Variants in RELN observed in about 807,000 individuals in gnomAD.
The protein encoded by RELN is reelin.
A neutral mutation model predicts 427.6 loss-of-function variants in RELN; 108 were observed. That is an observed-to-expected ratio of 0.25 (90% CI 0.22 to 0.30). The LOEUF is 0.30. Ranked by LOEUF, RELN falls within the 10% of genes least tolerant of loss-of-function variation. The pLI is 1.00. For missense variants in RELN, 3,715 were observed against 4,302.8 expected (o/e 0.86, Z 3.82); for synonymous variants, 1,524 against 1,513.4 (o/e 1.01, Z -0.16).
intron 3 of RELN, among the ~76,000 whole-genome samples, chr7:103,797,881 C>T (rs950435256): frequency 6.6e-6 from 1 of 152,184 alleles, no homozygotes. Context: ...CCCTGTGCAG[C>T]TATGTGTAAT....
chr7:103,799,445 T>C (rs953064893), intron 3 of RELN, among the ~76,000 whole-genome samples: 59 of 152,194 alleles, frequency 3.9e-4, no homozygotes, highest in African/African-American at 1.3e-3. Context: ...AGTATTCTTC[T>C]GTCACCTCTC....
At position 103,989,549 on chromosome 7, in the gene RELN, A is replaced by T. The variant is rs1343901039; in HGVS notation, c.-193T>A. 4.5e-6 allele frequency: 2 copies of T among 444,402 alleles called. No individual in the cohort carries two copies. The highest frequency in any genetic ancestry group is 4.3e-5 in the African/African-American group (2 of 46,278). 27.5% of individuals were successfully genotyped at this position (444,402 alleles called of 1,614,324 possible). A position where few individuals can be genotyped will look rare whatever the true frequency, so the allele number is the denominator to read the frequency against. ...GCGGGAGACGGCGGCTCCCAAAGTT[A>T]CTTTGGGCCGCGGGAGCGCGGGACC... On this transcript the variant is annotated 5_prime_UTR_variant, in exon 1 of 65. Transcript: ENST00000428762. The surrounding 1 kb of genome is among the most constrained non-coding windows in gnomAD (Gnocchi z 4.9).
At chr7:103,959,680 G>A (rs970492416) in intron 1 of RELN, among the ~76,000 whole-genome samples, 2 of 151,998 alleles carry the variant, frequency 1.3e-5, no homozygotes, top group African/African-American at 2.4e-5. Context: ...GTGTGATCAC[G>A]GCTCACTGCA....
chr7:103,851,638 C>T (rs2116464930), intron 2 of RELN, among the ~76,000 whole-genome samples: 1 of 152,252 alleles, frequency 6.6e-6, no homozygotes. Context: ...TCCTCAATTA[C>T]CTTCACCAGC....
chr7:103,572,699 G>C (rs999262264), intron 30 of RELN, among the ~76,000 whole-genome samples: 4 of 151,788 alleles, frequency 2.6e-5, no homozygotes, highest in African/African-American at 9.7e-5. Flanking sequence ...ACCACGCCTG[G>C]CTAATTTCCT....
At chr7:103,896,623 A>T (rs938701977) in intron 2 of RELN, among the ~76,000 whole-genome samples, 25 of 152,022 alleles carry the variant, frequency 1.6e-4, no homozygotes, top group African/African-American at 5.1e-4. Flanking sequence ...CAGAGGAGAG[A>T]TATGAGGGAA....
chr7:103,601,735 T>C (rs940241847), intron 24 of RELN, among the ~76,000 whole-genome samples: 10 of 152,140 alleles, frequency 6.6e-5, no homozygotes, highest in African/African-American at 2.4e-4. Context: ...AAAAAGAATG[T>C]CCTGCCTAGA....
intron 38 of RELN, among the ~76,000 whole-genome samples, chr7:103,555,707 A>G (rs1013249941): frequency 4.6e-5 from 7 of 152,106 alleles, no homozygotes; most frequent in Non-Finnish European, 1.0e-4. Context: ...TCCTGACCTC[A>G]GGTGATCCAC....
chr7:103,544,182 G>T (rs7783994), intron 42 of RELN, among the ~76,000 whole-genome samples: 1,714 of 133,974 alleles, frequency 0.013, 30 homozygotes, highest in African/African-American at 0.046. Context: ...ACCATAAATA[G>T]AACAAGTTTA....
chr7:103,866,346 G>A (rs990089453), intron 2 of RELN, among the ~76,000 whole-genome samples: 3 of 151,980 alleles, frequency 2.0e-5, no homozygotes. Flanking sequence ...TGCCTTTCTG[G>A]TTCTCCCAAA....
intron 16 of RELN, among the ~76,000 whole-genome samples, chr7:103,643,360 A>C (rs971647387): frequency 4.6e-5 from 7 of 152,076 alleles, no homozygotes; most frequent in African/African-American, 1.7e-4. Context: ...ATCTACCTGT[A>C]ATTAAAATAA....
At chr7:103,967,028 C>T (rs1379569383) in intron 1 of RELN, among the ~76,000 whole-genome samples, 4 of 152,186 alleles carry the variant, frequency 2.6e-5, no homozygotes, top group African/African-American at 4.8e-5. Flanking sequence ...TTGCAGCTGT[C>T]GTCATTGCCA....
At position 103,523,380 on chromosome 7, in the gene RELN, A is replaced by C; in HGVS notation, c.7490+11T>G. The C allele has an allele frequency of 6.2e-7, 1 of 1,614,180 alleles. No homozygotes were observed. Among genetic ancestry groups the C allele is most frequent in the Non-Finnish European group, 8.5e-7 (1 of 1,180,024 alleles). On this transcript the variant is annotated intron_variant, in intron 47 of 64. Transcript: ENST00000428762. ...GAGCTTTCAACAGAAGGAAGAAAAA[A>C]ACCGACTTACACGCAGTTTCCCTGG... is the stretch of plus-strand genomic sequence containing the variant.
intron 11 of RELN, among the ~76,000 whole-genome samples, chr7:103,665,114 G>A (rs1833231446): frequency 6.6e-6 from 1 of 152,026 alleles, no homozygotes; most frequent in Non-Finnish European, 1.5e-5. Context: ...ATTGATTTGA[G>A]GTAAGGAATG....
intron 4 of RELN, among the ~76,000 whole-genome samples, chr7:103,758,478 C>A (rs1462066678): frequency 1.3e-5 from 2 of 151,692 alleles, no homozygotes; most frequent in African/African-American, 4.8e-5. Context: ...TTTTTTCCAG[C>A]TAGGCATTCA....
At chr7:103,735,959 T>C (rs1347084386) in intron 6 of RELN, among the ~76,000 whole-genome samples, 1 of 152,198 alleles carries the variant, frequency 6.6e-6, no homozygotes, top group Non-Finnish European at 1.5e-5. Context: ...TAAAGTTCTT[T>C]AAAACCGAAA....
intron 12 of RELN, among the ~76,000 whole-genome samples, chr7:103,657,533 A>G (rs929043244): frequency 6.6e-6 from 1 of 152,094 alleles, no homozygotes; most frequent in Non-Finnish European, 1.5e-5. Flanking sequence ...AGTTTTCTCT[A>G]ATTTCATTCA....
intron 2 of RELN, among the ~76,000 whole-genome samples, chr7:103,885,255 C>T (rs186818281): frequency 7.9e-5 from 12 of 151,856 alleles, no homozygotes; most frequent in East Asian, 5.8e-4. Flanking sequence ...AGGAGAATGG[C>T]GTGAACCCAG....
chr7:103,665,218 T>C (rs1315000739), intron 11 of RELN, among the ~76,000 whole-genome samples: 2 of 152,102 alleles, frequency 1.3e-5, no homozygotes, highest in Non-Finnish European at 2.9e-5. Context: ...GCCACTTCTG[T>C]CACATAACAA....
Sources: allele counts gnomAD v4.1 joint callset (sites outside exome capture counted in the v4.1 genomes callset), GRCh38; gene constraint gnomAD v4.1.1; non-coding constraint Gnocchi (gnomAD v3.1); transcripts MANE v1.5; gene names NCBI Gene and HGNC (gene_info 2026-07-23, HGNC 2026-07-21).